ACOX3: variants seen among roughly 807,000 people sequenced by gnomAD.
ACOX3 encodes the protein peroxisomal acyl-coenzyme A oxidase 3.
Under a neutral mutation model 81.5 loss-of-function variants are expected in ACOX3, and 73 were observed. The observed-to-expected ratio is 0.90, with a 90% CI of 0.74 to 1.09. The LOEUF (loss-of-function observed/expected upper bound fraction) is 1.09, where lower values mean the gene tolerates loss of function less well. ACOX3 is among the 50% of genes least tolerant of loss of function. The pLI is 0.00. For missense variants in ACOX3, 947 were observed against 928.0 expected, an observed-to-expected ratio of 1.02 and a Z score of -0.27; for synonymous variants, 387 against 375.1, an observed-to-expected ratio of 1.03 and a Z score of -0.37.
Position 8,385,909 on chromosome 4 carries a change from A to C in ACOX3, c.1537+3264T>G, listed in dbSNP as rs997951441. Among the ~76,000 whole-genome samples, 1 of 152,238 alleles carries C rather than the reference A, an allele frequency of 6.6e-6. No homozygotes were observed. Among genetic ancestry groups the C allele is most frequent in the Non-Finnish European group, 1.5e-5 (1 of 68,040 alleles). On this transcript the variant is annotated intron_variant, in intron 13 of 17. Coordinates refer to ENST00000356406, the MANE Select transcript of ACOX3 (RefSeq NM_003501.3). The surrounding 1 kb of genome is among the most constrained non-coding windows in gnomAD (Gnocchi z 5.5). ...CAAGCTTCCCTGCGGCGTGAGGGAT[A>C]ATGGCGGTCTCTCTCCCATACCACT...
intron 11 of ACOX3, 150 bp downstream of exon 11, chr4:8,392,183 G>T (rs1336716377): frequency 1.0e-6 from 1 of 983,126 alleles, no homozygotes; most frequent in Non-Finnish European, 1.4e-6. Flanking sequence ...AATGAACGGG[G>T]GTGGCTGGCT....
At chr4:8,433,169 A>G (rs764594110) in intron 1 of ACOX3, among the ~76,000 whole-genome samples, 6 of 152,192 alleles carry the variant, frequency 3.9e-5, no homozygotes, top group Non-Finnish European at 8.8e-5. Flanking sequence ...TGCTTCCCCA[A>G]AGGGAAACAG....
At chr4:8,408,357 A>G (rs901978234) in intron 6 of ACOX3, among the ~76,000 whole-genome samples, 1 of 152,024 alleles carries the variant, frequency 6.6e-6, no homozygotes, top group Non-Finnish European at 1.5e-5. Flanking sequence ...ATCCTGTCCA[A>G]ATAACCCCAA....
Position 8,394,636 on chromosome 4 carries a change from T to A in ACOX3, c.1163A>T (p.Asp388Val). The change falls in exon 10 of 18, where the codon GAC (aspartate) becomes GTC (valine). Residue 388 changes from aspartate (D) to valine (V), a missense_variant. Asp to Val is a radical substitution (Grantham distance 152). Transcript: ENST00000356406. The surrounding 1 kb of genome is among the most constrained non-coding windows in gnomAD (Gnocchi z 5.9). ...CCACCTCACCTGTCTGGCGCTGCGG[T>A]CTCCCGATGCAAGTCCTCGCTGGAG... is the stretch of plus-strand genomic sequence containing the variant. ...VELQRGLASG[D>V]RSARQAELGR... 1 of 1,613,674 alleles carries A rather than the reference T, an allele frequency of 6.2e-7. No homozygotes were observed. Among genetic ancestry groups the A allele is most frequent in the Admixed American group, 1.7e-5 (1 of 60,024 alleles).
At position 8,431,210 on chromosome 4, in the gene ACOX3, CT is replaced by C. The variant is rs1266742541; in HGVS notation, c.-15+9437del. Among the ~76,000 whole-genome samples, 2 of 152,218 alleles carry C rather than the reference CT, an allele frequency of 1.3e-5. No homozygotes were observed. Among genetic ancestry groups the C allele is most frequent in the Admixed American group, 6.5e-5 (1 of 15,284 alleles). On this transcript the variant is annotated intron_variant, in intron 1 of 17. Coordinates refer to ENST00000356406, the MANE Select transcript of ACOX3 (RefSeq NM_003501.3). The surrounding 1 kb of genome is among the most constrained non-coding windows in gnomAD (Gnocchi z 5.3). ...CCCTTTTCACCCTCCTCTTTTCACACTTGTCTTCCTCTACCCTCTGGCTTGT... is the reference window on the plus strand; with the variant it reads ...CCCTTTTCACCCTCCTCTTTTCACACTGTCTTCCTCTACCCTCTGGCTTGT...
In ACOX3 at chr4:8,407,892, T is replaced by C. The variant is rs1336096844; in HGVS notation, c.688-1849A>G. Reference sequence around the variant, plus strand: ...CCCCTTCCCCACCAGGGGACACGGGTGGTGTCTGGAGAGATTCTGGTTGTG... The same window carrying C: ...CCCCTTCCCCACCAGGGGACACGGGCGGTGTCTGGAGAGATTCTGGTTGTG... On this transcript the variant is annotated intron_variant, in intron 6 of 17. Coordinates refer to ENST00000356406, the MANE Select transcript of ACOX3 (RefSeq NM_003501.3). This position sits in a 1 kb window ranked among gnomAD's most constrained non-coding sequence, Gnocchi z 4.6. Among the ~76,000 whole-genome samples, 1 of 152,050 alleles carries C rather than the reference T, an allele frequency of 6.6e-6. No homozygotes were observed. Among genetic ancestry groups the C allele is most frequent in the Non-Finnish European group, 1.5e-5 (1 of 68,006 alleles).
At chr4:8,433,003 G>C (rs1360116574) in intron 1 of ACOX3, among the ~76,000 whole-genome samples, 1 of 152,262 alleles carries the variant, frequency 6.6e-6, no homozygotes. Flanking sequence ...GGACAGTGCA[G>C]ACATAGAACA....
downstream of ACOX3, among the ~76,000 whole-genome samples, chr4:8,363,388 C>T (rs1475089566): frequency 6.6e-6 from 1 of 152,188 alleles, no homozygotes; most frequent in Non-Finnish European, 1.5e-5. Context: ...TTTGTGAGAA[C>T]TCAAGAGTTA....
chr4:8,367,806 CAAAAAAAAAA>C (rs535574857), intron 17 of ACOX3, among the ~76,000 whole-genome samples: 9 of 46,714 alleles, frequency 1.9e-4, no homozygotes, highest in East Asian at 2.4e-3. Context: ...CCCATCTTTA[CAAAAAAAAAA>C]AAAAAAAAAA....
In ACOX3 at chr4:8,389,611, C is replaced by T. The variant is rs149402565; in HGVS notation, c.1423+1G>A. On this transcript the variant is annotated splice_donor_variant, in intron 12 of 17. Transcript: ENST00000356406. LOFTEE classifies it high-confidence loss of function. The surrounding 1 kb of genome is among the most constrained non-coding windows in gnomAD (Gnocchi z 5.3). The stretch of plus-strand genomic sequence containing the variant: ...CCCACCAGTGTGCAGCAGAGCCTCA[C>T]CGTGGACCTGGTGTGCCAGGAGACC... 34 of 1,613,714 alleles carry T rather than the reference C, an allele frequency of 2.1e-5. No homozygotes were observed. The highest frequency in any genetic ancestry group is 6.7e-5 in the Admixed American group (4 of 60,010).
chr4:8,408,420 T>C (rs1271828795), intron 6 of ACOX3, among the ~76,000 whole-genome samples: 1 of 151,910 alleles, frequency 6.6e-6, no homozygotes, highest in African/African-American at 2.4e-5. Context: ...CTCTGGGAGG[T>C]GGACTCAGGT....
chr4:8,414,486 A>G lies in ACOX3; in HGVS notation c.454-105T>C. On this transcript the variant is annotated intron_variant, in intron 4 of 17. Coordinates refer to ENST00000356406, the MANE Select transcript of ACOX3 (RefSeq NM_003501.3). The surrounding 1 kb of genome is among the most constrained non-coding windows in gnomAD (Gnocchi z 6.1). ...TCCTTTAAAGATGAAACCACATATC[A>G]AAGCCCCAAATTTCCATCTACCCAA... 9.4e-7 allele frequency: 1 copy of G among 1,059,774 alleles called. No homozygotes were observed. Among genetic ancestry groups the G allele is most frequent in the South Asian group, 1.4e-5 (1 of 72,984 alleles). The allele number at this position is 1,059,774 out of a possible 1,614,324, so 65.6% of individuals were successfully genotyped here. A position where few individuals can be genotyped will look rare whatever the true frequency, so the allele number is the denominator to read the frequency against.
chr4:8,383,555 C>A (rs997947296), intron 13 of ACOX3, among the ~76,000 whole-genome samples: 6 of 152,182 alleles, frequency 3.9e-5, no homozygotes, highest in African/African-American at 1.4e-4. Context: ...GGAGCCTGGG[C>A]GGGAAAAGCC....
At chr4:8,429,475 G>A (rs1190451414) in intron 1 of ACOX3, among the ~76,000 whole-genome samples, 1 of 152,232 alleles carries the variant, frequency 6.6e-6, no homozygotes, top group Admixed American at 6.5e-5. Context: ...GGCTTTGGGC[G>A]TTATCAATCA....
intron 14 of ACOX3, among the ~76,000 whole-genome samples, chr4:8,380,694 A>T (rs536798975): frequency 1.3e-5 from 2 of 152,226 alleles, no homozygotes; most frequent in African/African-American, 4.8e-5. Context: ...ACTGAAGGTG[A>T]CCCATAACCT....
chr4:8,438,135 C>T lies in ACOX3; in HGVS notation c.-15+2513G>A, dbSNP rs186384213. 1.3e-3 allele frequency among the ~76,000 whole-genome samples: 196 copies of T among 152,286 alleles called. 1 individual carries two copies. The highest frequency in any genetic ancestry group is 4.6e-3 in the African/African-American group (191 of 41,550). On this transcript the variant is annotated intron_variant, in intron 1 of 17. Coordinates refer to ENST00000356406, the MANE Select transcript of ACOX3 (RefSeq NM_003501.3). ...CGGTACATGCTAGTGCTTGTTTGCA[C>T]CTTTCCAGGGTAAGTTAAAGTTTTC...
At chr4:8,387,989 A>G (rs1012597576) in intron 13 of ACOX3, among the ~76,000 whole-genome samples, 2 of 152,168 alleles carry the variant, frequency 1.3e-5, no homozygotes, top group Non-Finnish European at 1.5e-5. Context: ...AAAAATATGA[A>G]TCATCAAAAC....
At chr4:8,361,359 G>A (rs1663557551), downstream of ACOX3, among the ~76,000 whole-genome samples, 1 of 145,188 alleles carries the variant, frequency 6.9e-6, no homozygotes, top group South Asian at 2.2e-4. Flanking sequence ...CCAGGAGGCG[G>A]AGCTCGCAGT....
intron 3 of ACOX3, 83 bp from the exon 4 acceptor site, chr4:8,415,011 C>T: frequency 7.9e-7 from 1 of 1,267,358 alleles, no homozygotes; most frequent in African/African-American, 1.5e-5. Flanking sequence ...GACAACGGCA[C>T]TCAACACCAT....
Sources: allele counts gnomAD v4.1 joint callset (sites outside exome capture counted in the v4.1 genomes callset), GRCh38; gene constraint gnomAD v4.1.1; non-coding constraint Gnocchi (gnomAD v3.1); transcripts MANE v1.5; gene names NCBI Gene and HGNC (gene_info 2026-07-23, HGNC 2026-07-21).